Variants in PPP1R3B observed in about 807,000 individuals in gnomAD.
PPP1R3B encodes the protein PP1 subunit R4.
A neutral mutation model predicts 14.6 loss-of-function variants in PPP1R3B; 8 were observed. The observed-to-expected ratio is 0.55, with a 90% CI of 0.32 to 0.99. The LOEUF (loss-of-function observed/expected upper bound fraction) is 0.99. Among genes scored for constraint, PPP1R3B ranks in the 50% least tolerant of loss-of-function variants. The probability of loss-of-function intolerance (pLI) is 0.04; values close to 1 mark genes in which losing one functional copy is unlikely to be tolerated. For synonymous variants in PPP1R3B, 169 were observed against 142.0 expected, an observed-to-expected ratio of 1.19 and a Z score of -1.35; for missense variants, 452 against 360.1, an observed-to-expected ratio of 1.26 and a Z score of -2.07.
chr8:9,150,200 G>A (rs1043724751), intron 1 of PPP1R3B, among the ~76,000 whole-genome samples: 4 of 151,932 alleles, frequency 2.6e-5, no homozygotes, highest in African/African-American at 4.8e-5. Flanking sequence ...CTCTTCTGCT[G>A]CACCCTGGGT....
chr8:9,146,489 C>T (rs754728004), intron 1 of PPP1R3B, among the ~76,000 whole-genome samples: 2 of 151,838 alleles, frequency 1.3e-5, no homozygotes, highest in African/African-American at 2.4e-5. Flanking sequence ...TGTGATTAAC[C>T]AAACATGTAA....
At chr8:9,142,722 G>C (rs1801126856) in intron 1 of PPP1R3B, among the ~76,000 whole-genome samples, 1 of 152,030 alleles carries the variant, frequency 6.6e-6, no homozygotes, top group African/African-American at 2.4e-5. Context: ...GTTTCTATGA[G>C]TTTGACTTTT....
chr8:9,150,851 T>G (rs1585348160), upstream of PPP1R3B, among the ~76,000 whole-genome samples: 2 of 152,150 alleles, frequency 1.3e-5, no homozygotes, highest in African/African-American at 4.8e-5. Context: ...TCGTGCTAGG[T>G]CCCGTCGCCC....
Position 9,140,535 on chromosome 8 carries a change from C to T in PPP1R3B, c.*259G>A, listed in dbSNP as rs970735631. On this transcript the variant is annotated 3_prime_UTR_variant, in exon 2 of 2. Transcript: ENST00000310455. ...CCATCCATACCCTTTCCAGCACAGA[C>T]GTGCACAGACTCTCGTGGCTGCCAC... 17 of 532,986 alleles carry T rather than the reference C, an allele frequency of 3.2e-5. No homozygotes were observed. The highest frequency in any genetic ancestry group is 1.3e-4 in the East Asian group (4 of 31,248). 33.0% of individuals were successfully genotyped at this position (532,986 alleles called of 1,614,324 possible). A position where few individuals can be genotyped will look rare whatever the true frequency, so the allele number is the denominator to read the frequency against.
chr8:9,149,141 CG>C (rs2128974215), intron 1 of PPP1R3B, among the ~76,000 whole-genome samples: 6 of 125,346 alleles, frequency 4.8e-5, no homozygotes, highest in East Asian at 2.4e-4. Flanking sequence ...TGCAGTGAGC[CG>C]AGATGGCGCC....
intron 1 of PPP1R3B, among the ~76,000 whole-genome samples, chr8:9,144,679 C>T (rs114835052): frequency 1.6e-3 from 249 of 152,278 alleles, no homozygotes; most frequent in African/African-American, 5.5e-3. Flanking sequence ...CCTAGGTGAC[C>T]ATTAACAGGT....
intron 1 of PPP1R3B, among the ~76,000 whole-genome samples, chr8:9,148,184 C>T (rs1563128989): frequency 6.6e-6 from 1 of 152,168 alleles, no homozygotes; most frequent in Non-Finnish European, 1.5e-5. Context: ...CTCCTAGCAA[C>T]TGAGATGTGC....
intron 1 of PPP1R3B, among the ~76,000 whole-genome samples, chr8:9,145,880 T>C (rs1458693528): frequency 6.6e-6 from 1 of 152,076 alleles, no homozygotes; most frequent in Non-Finnish European, 1.5e-5. Flanking sequence ...TGAGCACTTT[T>C]TTTTTATAAG....
rs376897753 is a variant in PPP1R3B, at chr8:9,140,770, G to T, written c.*24C>A. ...AGCTAGGCTTGTCTGTGGCAGCTCC[G>T]CCACGCCCTGTCACCTGCAGTCACT... On this transcript the variant is annotated 3_prime_UTR_variant, in exon 2 of 2. Transcript: ENST00000310455. The T allele has an allele frequency of 6.2e-7, 1 of 1,608,702 alleles. No individual in the cohort carries two copies. Among genetic ancestry groups the T allele is most frequent in the Non-Finnish European group, 8.5e-7 (1 of 1,177,082 alleles).
intron 1 of PPP1R3B, among the ~76,000 whole-genome samples, chr8:9,147,151 C>T (rs1005146351): frequency 5.3e-5 from 8 of 151,930 alleles, no homozygotes; most frequent in Non-Finnish European, 1.0e-4. Flanking sequence ...GGATTACAGG[C>T]GTGCACCACC....
chr8:9,144,516 T>C (rs1270840382), intron 1 of PPP1R3B, among the ~76,000 whole-genome samples: 2 of 152,198 alleles, frequency 1.3e-5, no homozygotes, highest in Non-Finnish European at 2.9e-5. Context: ...TTTCATTAGT[T>C]AAAATTGGTA....
chr8:9,146,692 ACT>A (rs904307837), intron 1 of PPP1R3B, among the ~76,000 whole-genome samples: 2 of 152,154 alleles, frequency 1.3e-5, no homozygotes, highest in African/African-American at 4.8e-5. Flanking sequence ...TATCTGTCTC[ACT>A]GTTTCCCCTT....
Position 9,141,486 on chromosome 8 carries a change from C to T in PPP1R3B, c.166G>A (p.Glu56Lys), listed in dbSNP as rs1801085562. 1.2e-6 allele frequency: 2 copies of T among 1,614,070 alleles called. No individual in the cohort carries two copies. Among genetic ancestry groups the T allele is most frequent in the South Asian group, 1.1e-5 (1 of 91,090 alleles). Residue 56 changes from glutamate to lysine, a missense_variant, in exon 2 of 2, where the codon GAG (glutamate) becomes AAG (lysine). By Grantham distance (56) the Glu-to-Lys change is moderately conservative (BLOSUM62 1). Coordinates refer to ENST00000310455, the MANE Select transcript of PPP1R3B (RefSeq NM_024607.4). Reference protein sequence around the residue: ...ASGMVAPAVQEKKVKKRVSFA... With the variant: ...ASGMVAPAVQKKKVKKRVSFA... Reference sequence around the variant, plus strand: ...GACACCCGCTTTTTCACCTTCTTCTCCTGGACAGCCGGGGCCACCATTCCA... The same window carrying T: ...GACACCCGCTTTTTCACCTTCTTCTTCTGGACAGCCGGGGCCACCATTCCA...
In PPP1R3B at chr8:9,140,938, T is replaced by C. The variant is rs1298286331; in HGVS notation, c.714A>G (p.Lys238=). 6.2e-7 allele frequency: 1 copy of C among 1,614,108 alleles called. No individual in the cohort carries two copies. Among genetic ancestry groups the C allele is most frequent in the African/African-American group, 1.3e-5 (1 of 74,940 alleles). Residue 238 remains lysine (K), a synonymous_variant, in exon 2 of 2, where the codon AAA becomes AAG. Coordinates refer to ENST00000310455, the MANE Select transcript of PPP1R3B (RefSeq NM_024607.4). ...GGGGCTTGGTCATTCCCTGGGTAGA[T>C]TTTAACTCAGCCCGGATGATCCTAT... The part of the protein sequence containing the change: ...KNYRIIRAEL[K]STQGMTKPHS...
intron 1 of PPP1R3B, among the ~76,000 whole-genome samples, chr8:9,142,538 C>G (rs1483076650): frequency 1.3e-5 from 2 of 152,162 alleles, no homozygotes; most frequent in Non-Finnish European, 2.9e-5. Context: ...TTAAAATCCA[C>G]TCTCAGCAAT....
rs1045971584 is a variant in PPP1R3B at position 9,139,491 on chromosome 8, A to T, written c.*1303T>A. 5 of 152,234 alleles carry T rather than the reference A, an allele frequency of 3.3e-5. No homozygotes were observed. Among genetic ancestry groups the T allele is most frequent in the African/African-American group, 9.6e-5 (4 of 41,460 alleles). 9.4% of individuals were successfully genotyped at this position (152,234 alleles called of 1,614,324 possible). On this transcript the variant is annotated 3_prime_UTR_variant, in exon 2 of 2. Transcript: ENST00000310455. Reference sequence around the variant, plus strand: ...TTTCGAGGAGATATTGGATATGCAAATCAAATGTCCTAAACACAGCAGAAA... The same window carrying T: ...TTTCGAGGAGATATTGGATATGCAATTCAAATGTCCTAAACACAGCAGAAA...
At chr8:9,146,695 G>T (rs1009184251) in intron 1 of PPP1R3B, among the ~76,000 whole-genome samples, 2 of 152,106 alleles carry the variant, frequency 1.3e-5, no homozygotes, top group Non-Finnish European at 2.9e-5. Flanking sequence ...CTGTCTCACT[G>T]TTTCCCCTTT....
In PPP1R3B at chr8:9,139,911, G is replaced by C. The variant is rs543065552; in HGVS notation, c.*883C>G. ...AGCACGTTAAAGTCATTGAGCTTTC[G>C]GGGGAAAAATCAGATTTTTCCGGTG... On this transcript the variant is annotated 3_prime_UTR_variant, in exon 2 of 2. Coordinates refer to ENST00000310455, the MANE Select transcript of PPP1R3B (RefSeq NM_024607.4). The C allele has an allele frequency of 6.6e-6, 1 of 152,070 alleles. No homozygotes were observed. Among genetic ancestry groups the C allele is most frequent in the African/African-American group, 2.4e-5 (1 of 41,384 alleles). The allele number at this position is 152,070 out of a possible 1,614,324, so 9.4% of individuals were successfully genotyped here.
intron 1 of PPP1R3B, among the ~76,000 whole-genome samples, chr8:9,149,164 G>A (rs1179548944): frequency 7.8e-6 from 1 of 128,560 alleles, no homozygotes; most frequent in East Asian, 2.4e-4. Flanking sequence ...CTGCAGTCCA[G>A]CCTGGGCGAC....
Sources: allele counts gnomAD v4.1 joint callset (sites outside exome capture counted in the v4.1 genomes callset), GRCh38; gene constraint gnomAD v4.1.1; transcripts MANE v1.5; gene names NCBI Gene and HGNC (gene_info 2026-07-23, HGNC 2026-07-21).